The following MYT1L variants were observed in gnomAD, a reference collection of about 807,000 sequenced individuals.
MYT1L encodes the protein myelin transcription factor 1-like protein.
In MYT1L, 12 loss-of-function variants were observed where a neutral mutation model predicts 126.7. That is an observed-to-expected ratio of 0.09 (90% CI 0.06 to 0.15). The LOEUF (loss-of-function observed/expected upper bound fraction) is 0.15. Ranked by LOEUF, MYT1L falls within the 10% of genes least tolerant of loss-of-function variation. The pLI is 1.00. For missense variants in MYT1L, 979 were observed against 1,585.2 expected, an observed-to-expected ratio of 0.62 and a Z score of 6.49; for synonymous variants, 541 against 604.2, an observed-to-expected ratio of 0.90 and a Z score of 1.53.
rs749713217 is a variant in MYT1L at position 1,806,015 on chromosome 2, G to C, written c.3172+3061C>G. ...GCCTCTGTCCCCTGAAGAGCATCAG[G>C]AATTGGATGCTGTGCCTCTGTCCCC... On this transcript the variant is annotated intron_variant, in intron 22 of 24. Coordinates refer to ENST00000647738, the MANE Select transcript of MYT1L (RefSeq NM_001303052.2). This position sits in a 1 kb window ranked among gnomAD's most constrained non-coding sequence, Gnocchi z 4.9. 7.2e-6 allele frequency among the ~76,000 whole-genome samples: 1 copy of C among 139,516 alleles called. No individual in the cohort carries two copies. Among genetic ancestry groups the C allele is most frequent in the Non-Finnish European group, 1.6e-5 (1 of 61,826 alleles). 91.5% of individuals were successfully genotyped at this position (139,516 alleles called of 152,430 possible).
At chr2:1,797,301 G>A (rs2033769229) in intron 23 of MYT1L, among the ~76,000 whole-genome samples, 1 of 152,142 alleles carries the variant, frequency 6.6e-6, no homozygotes, top group Non-Finnish European at 1.5e-5. Flanking sequence ...TTGGCTCTCT[G>A]CAAGCTCCAC....
At chr2:2,255,326 A>G (rs2094777172) in intron 2 of MYT1L, among the ~76,000 whole-genome samples, 1 of 152,124 alleles carries the variant, frequency 6.6e-6, no homozygotes. Context: ...GCAATATATC[A>G]GGAGGATATT....
intron 2 of MYT1L, among the ~76,000 whole-genome samples, chr2:2,219,742 T>C (rs1572574281): frequency 6.6e-6 from 1 of 152,232 alleles, no homozygotes; most frequent in South Asian, 2.1e-4. Context: ...GAGGTCCTGT[T>C]CCAGCCAATG....
At chr2:2,091,042 C>G (rs533619089) in intron 3 of MYT1L, among the ~76,000 whole-genome samples, 37 of 152,216 alleles carry the variant, frequency 2.4e-4, no homozygotes, top group Non-Finnish European at 4.4e-4. Context: ...TTAAAATCAT[C>G]TATGAGCATT....
At chr2:2,141,638 G>A (rs1416777956) in intron 3 of MYT1L, among the ~76,000 whole-genome samples, 1 of 152,182 alleles carries the variant, frequency 6.6e-6, no homozygotes, top group African/African-American at 2.4e-5. Flanking sequence ...AATGTATTTT[G>A]GAAAAGTCTG....
At chr2:2,173,782 T>C (rs1185672734) in intron 2 of MYT1L, among the ~76,000 whole-genome samples, 3 of 152,146 alleles carry the variant, frequency 2.0e-5, no homozygotes, top group African/African-American at 4.8e-5. Flanking sequence ...AACAGACAAG[T>C]GTTAATGGGC....
intron 3 of MYT1L, among the ~76,000 whole-genome samples, chr2:2,103,462 GC>G (rs1238630521): frequency 6.6e-6 from 1 of 152,246 alleles, no homozygotes; most frequent in East Asian, 1.9e-4. Context: ...GTTAGTGGTG[GC>G]ATGTCTGCGG....
intron 3 of MYT1L, among the ~76,000 whole-genome samples, chr2:2,078,818 A>G (rs1418378933): frequency 1.3e-5 from 2 of 152,260 alleles, no homozygotes; most frequent in African/African-American, 4.8e-5. Context: ...GTAGAATATC[A>G]GTACACCATA....
In MYT1L at chr2:2,331,260, T is replaced by G. The variant is rs2096282446; in HGVS notation, c.-814A>C. 6.6e-6 allele frequency: 1 copy of G among 151,874 alleles called. No homozygotes were observed. The highest frequency in any genetic ancestry group is 1.5e-5 in the Non-Finnish European group (1 of 67,986). The allele number at this position is 151,874 out of a possible 1,614,324, so 9.4% of individuals were successfully genotyped here. On this transcript the variant is annotated 5_prime_UTR_variant, in exon 1 of 25. Coordinates refer to ENST00000647738, the MANE Select transcript of MYT1L (RefSeq NM_001303052.2). ...AGGGAAAAGCTCTCTCACTGTTTAG[T>G]GTGCAGTAGCTTAGGGAAAAAAAAA...
intron 21 of MYT1L, among the ~76,000 whole-genome samples, chr2:1,823,555 G>C (rs2038868661): frequency 6.6e-6 from 1 of 152,220 alleles, no homozygotes; most frequent in Non-Finnish European, 1.5e-5. Context: ...CTTGGGTCAG[G>C]CTCCTGGGAG....
chr2:2,130,588 C>T (rs1207788808), intron 3 of MYT1L, among the ~76,000 whole-genome samples: 1 of 152,106 alleles, frequency 6.6e-6, no homozygotes, highest in Non-Finnish European at 1.5e-5. Flanking sequence ...CCATGGGATA[C>T]TCTGCTGCTA....
intron 18 of MYT1L, among the ~76,000 whole-genome samples, chr2:1,854,192 C>T (rs570878163): frequency 2.6e-5 from 4 of 152,056 alleles, no homozygotes; most frequent in Non-Finnish European, 5.9e-5. Context: ...GTTGGAGAAC[C>T]TGAACTACTT....
chr2:2,155,276 T>A (rs1451752463), intron 3 of MYT1L, among the ~76,000 whole-genome samples: 1 of 152,162 alleles, frequency 6.6e-6, no homozygotes, highest in African/African-American at 2.4e-5. Flanking sequence ...ATCTAAAGTA[T>A]CCAAAGTGGC....
At chr2:1,916,795 G>T (rs187091576) in intron 11 of MYT1L, among the ~76,000 whole-genome samples, 40 of 152,292 alleles carry the variant, frequency 2.6e-4, no homozygotes, top group Admixed American at 5.2e-4. Context: ...AGATATTTGG[G>T]CAAGAAATGT....
chr2:1,974,146 T>C (rs1260044530), intron 8 of MYT1L, among the ~76,000 whole-genome samples: 1 of 152,198 alleles, frequency 6.6e-6, no homozygotes, highest in Non-Finnish European at 1.5e-5. Context: ...TTACTCTTCC[T>C]TGATATTGGG....
chr2:1,916,990 A>C (rs1381512224), intron 11 of MYT1L, among the ~76,000 whole-genome samples: 1 of 152,156 alleles, frequency 6.6e-6, no homozygotes, highest in African/African-American at 2.4e-5. Context: ...GAGCTTTGTT[A>C]GGGGCGGTGG....
intron 14 of MYT1L, 23 bp from the exon 15 acceptor site, chr2:1,892,310 G>A: frequency 3.9e-6 from 6 of 1,544,510 alleles, no homozygotes; most frequent in Non-Finnish European, 5.2e-6. Flanking sequence ...GGACAGGGAT[G>A]ACTCAGGCCC....
At chr2:2,308,701 T>C (rs932055872) in intron 1 of MYT1L, among the ~76,000 whole-genome samples, 1 of 151,624 alleles carries the variant, frequency 6.6e-6, no homozygotes, top group Non-Finnish European at 1.5e-5. Flanking sequence ...GTATACTCTA[T>C]CTATACCTTA....
At chr2:1,838,077 C>A (rs2041153898) in intron 21 of MYT1L, among the ~76,000 whole-genome samples, 1 of 151,968 alleles carries the variant, frequency 6.6e-6, no homozygotes, top group East Asian at 1.9e-4. Context: ...CCACGCCCAG[C>A]TAATTTTTGT....
Sources: allele counts gnomAD v4.1 joint callset (sites outside exome capture counted in the v4.1 genomes callset), GRCh38; gene constraint gnomAD v4.1.1; non-coding constraint Gnocchi (gnomAD v3.1); transcripts MANE v1.5; gene names NCBI Gene and HGNC (gene_info 2026-07-23, HGNC 2026-07-21).